Variants in SEMA6D observed in about 807,000 individuals in gnomAD.
SEMA6D encodes the protein semaphorin 6D, also known as semaphorin-6D.
SEMA6D carries 35 observed loss-of-function variants against 106.6 expected under a neutral mutation model. The ratio of observed to expected loss-of-function variants is 0.33; its 90% CI spans 0.25 to 0.44. The LOEUF (loss-of-function observed/expected upper bound fraction) is 0.44. Among genes scored for constraint, SEMA6D ranks in the 20% least tolerant of loss-of-function variants. The pLI is 1.00. For synonymous variants in SEMA6D, 499 were observed against 487.7 expected, an observed-to-expected ratio of 1.02 and a Z score of -0.31; for missense variants, 1,185 against 1,345.9, an observed-to-expected ratio of 0.88 and a Z score of 1.87.
intron 2 of SEMA6D, among the ~76,000 whole-genome samples, chr15:47,431,711 T>C (rs1052824040): frequency 6.6e-6 from 1 of 152,152 alleles, no homozygotes; most frequent in Non-Finnish European, 1.5e-5. Context: ...ACAAAAATGC[T>C]TCCTGTGTGA....
chr15:47,648,340 G>C (rs2077620308), intron 4 of SEMA6D, among the ~76,000 whole-genome samples: 2 of 152,148 alleles, frequency 1.3e-5, no homozygotes, highest in Admixed American at 1.3e-4. Flanking sequence ...AAGTGTCCCA[G>C]TCTGAGTGAG....
At position 47,679,817 on chromosome 15, in the gene SEMA6D, G is replaced by T. The variant is rs561628360; in HGVS notation, c.-55+78921G>T. On this transcript the variant is annotated intron_variant, in intron 4 of 19. Coordinates refer to the SEMA6D transcript ENST00000558014. The stretch of plus-strand genomic sequence containing the variant: ...GCATTTTTGCAATCTTTGGCTGTTT[G>T]GTCCCCATGCCAATCCTGGTTTTCA... Among the ~76,000 whole-genome samples the T allele has an allele frequency of 6.6e-5, 10 of 152,230 alleles. No homozygotes were observed. In the East Asian group the frequency reaches 1.9e-3, roughly 29 times the overall value.
At chr15:47,458,939 C>T (rs1402892857) in intron 2 of SEMA6D, among the ~76,000 whole-genome samples, 2 of 151,882 alleles carry the variant, frequency 1.3e-5, no homozygotes, top group African/African-American at 4.8e-5. Context: ...CTAAGATAAG[C>T]CCCAATGATT....
upstream of SEMA6D, among the ~76,000 whole-genome samples, chr15:47,715,252 G>C (rs2079089008): frequency 6.6e-6 from 1 of 152,166 alleles, no homozygotes; most frequent in Admixed American, 6.5e-5. Context: ...GGTAGGGAGA[G>C]GGGGGAGTTA....
intron 4 of SEMA6D, among the ~76,000 whole-genome samples, chr15:47,611,035 G>A (rs1293585349): frequency 1.3e-5 from 2 of 152,090 alleles, no homozygotes; most frequent in Non-Finnish European, 2.9e-5. Context: ...CCTAATGTAG[G>A]CAGCACCTAG....
chr15:47,348,706 CACACACACACACCACA>C (rs1271294405), intron 1 of SEMA6D, among the ~76,000 whole-genome samples: 1 of 59,666 alleles, frequency 1.7e-5, no homozygotes, highest in African/African-American at 5.4e-5. Flanking sequence ...CACACACACA[CACACACACACACCACA>C]CACACAGAGA....
At chr15:47,256,510 T>C (rs544697321) in intron 1 of SEMA6D, among the ~76,000 whole-genome samples, 2 of 152,340 alleles carry the variant, frequency 1.3e-5, no homozygotes, top group East Asian at 1.9e-4. Flanking sequence ...TTTTTAGATA[T>C]AGAAATTGTG....
chr15:47,599,078 C>G (rs2076592595), intron 3 of SEMA6D, among the ~76,000 whole-genome samples: 1 of 152,036 alleles, frequency 6.6e-6, no homozygotes, highest in South Asian at 2.1e-4. Flanking sequence ...TGCTAATCTG[C>G]TAGGGATGCA....
intron 4 of SEMA6D, among the ~76,000 whole-genome samples, chr15:47,668,581 G>C (rs2078075249): frequency 6.6e-6 from 1 of 152,162 alleles, no homozygotes; most frequent in East Asian, 1.9e-4. Context: ...GAAGCCAAAG[G>C]CATGCCTGAA....
chr15:47,673,002 A>T (rs1477547473), intron 4 of SEMA6D, among the ~76,000 whole-genome samples: 1 of 152,096 alleles, frequency 6.6e-6, no homozygotes, highest in Non-Finnish European at 1.5e-5. Context: ...CGGCAGAAAG[A>T]TCCTTCATTT....
intron 1 of SEMA6D, among the ~76,000 whole-genome samples, chr15:47,241,011 T>G (rs2032870059): frequency 6.6e-6 from 1 of 152,176 alleles, no homozygotes; most frequent in Admixed American, 6.6e-5. Flanking sequence ...TCATCCTTGC[T>G]TAACCACTGA....
intron 2 of SEMA6D, among the ~76,000 whole-genome samples, chr15:47,451,380 G>A (rs189811298): frequency 1.6e-4 from 24 of 152,176 alleles, no homozygotes; most frequent in Admixed American, 1.4e-3. Flanking sequence ...TGGTGAGGAT[G>A]CATGGACATG....
At position 47,759,841 on chromosome 15, in the gene SEMA6D, G is replaced by A. The variant is rs372713949; in HGVS notation, c.43G>A (p.Val15Ile). 25 of 1,613,684 alleles carry A rather than the reference G, an allele frequency of 1.5e-5. No individual in the cohort carries two copies. The African/African-American group carries it at 3.1e-4, about 20-fold the overall frequency. Residue 15 changes from valine (V) to isoleucine (I), a missense_variant, in exon 2 of 19, where the codon GTT (valine) becomes ATT (isoleucine). Val to Ile is a conservative substitution (Grantham distance 29, BLOSUM62 3). Coordinates refer to ENST00000536845, the MANE Select transcript of SEMA6D (RefSeq NM_001358351.3). ...TTGTGCCTACATACTGCTGCTGATG[G>A]TTTCCCAGTTGAGGGCAGTCAGCTT... ...LLCAYILLLM[V>I]SQLRAVSFPE...
intron 3 of SEMA6D, among the ~76,000 whole-genome samples, chr15:47,477,152 C>T (rs572733915): frequency 8.5e-5 from 13 of 152,126 alleles, no homozygotes; most frequent in East Asian, 3.9e-4. Flanking sequence ...AAATTAATTG[C>T]GTAGCACTTG....
upstream of SEMA6D, among the ~76,000 whole-genome samples, chr15:47,716,113 A>C (rs992456556): frequency 1.3e-5 from 2 of 152,230 alleles, no homozygotes; most frequent in Non-Finnish European, 2.9e-5. Context: ...AACAACAGGA[A>C]AAAAATCACA....
At chr15:47,407,544 TGAAGTA>T (rs916270250) in intron 1 of SEMA6D, among the ~76,000 whole-genome samples, 4 of 152,116 alleles carry the variant, frequency 2.6e-5, no homozygotes, top group Admixed American at 2.0e-4. Context: ...AATGTTGACT[TGAAGTA>T]GATGTAGTAT....
At chr15:47,534,357 A>G (rs1389061742) in intron 3 of SEMA6D, among the ~76,000 whole-genome samples, 18 of 151,616 alleles carry the variant, frequency 1.2e-4, no homozygotes, top group African/African-American at 2.4e-5. Flanking sequence ...ATTTTTTTAT[A>G]TGTTTAGTAG....
chr15:47,649,374 C>T (rs2077642255), intron 4 of SEMA6D, among the ~76,000 whole-genome samples: 1 of 152,184 alleles, frequency 6.6e-6, no homozygotes, highest in Non-Finnish European at 1.5e-5. Flanking sequence ...GCTAACATAA[C>T]AGACATCTAA....
At position 47,766,665 on chromosome 15, in the gene SEMA6D, G is replaced by T. The variant is rs1341859641; in HGVS notation, c.1696G>T (p.Gly566Trp). ...AGAATTCGGCAACACAGCTCATCTA[G>T]GGGACTGCCATGGTAAGACAGAATC... ...DTEFGNTAHL[G>W]DCHEILPTST... The change falls in exon 16 of 19, where the codon GGG (glycine) becomes TGG (tryptophan). Residue 566 changes from glycine to tryptophan, a missense_variant. Transcript: ENST00000536845. The T allele has an allele frequency of 6.2e-7, 1 of 1,609,218 alleles. No individual in the cohort carries two copies. Among genetic ancestry groups the T allele is most frequent in the Non-Finnish European group, 8.5e-7 (1 of 1,176,084 alleles).
Sources: gnomAD v4.1 joint callset for allele counts (sites outside exome capture counted in the v4.1 genomes callset) on GRCh38, gnomAD v4.1.1 for gene constraint, MANE v1.5 for transcripts, NCBI Gene and HGNC (gene_info 2026-07-23, HGNC 2026-07-21) for gene names.